Variants in FRMPD4 observed in about 807,000 individuals in gnomAD.
FRMPD4 encodes FERM and PDZ domain-containing protein 4.
Under a neutral mutation model 94.1 loss-of-function variants are expected in FRMPD4, and 22 were observed. The observed-to-expected ratio is 0.23, with a 90% CI of 0.17 to 0.33. The LOEUF is 0.33. Ranked by LOEUF, FRMPD4 falls within the 10% of genes least tolerant of loss-of-function variation. The probability of loss-of-function intolerance (pLI) is 1.00; values close to 1 mark genes in which losing one functional copy is unlikely to be tolerated. For missense variants in FRMPD4, 1,111 were observed against 1,339.9 expected, an observed-to-expected ratio of 0.83 and a Z score of 2.67; for synonymous variants, 631 against 548.6, an observed-to-expected ratio of 1.15 and a Z score of -2.10.
intron 2 of FRMPD4, among the ~76,000 whole-genome samples, chrX:12,532,277 T>C (rs1489830599): frequency 8.9e-6 from 1 of 111,944 alleles, no homozygotes; most frequent in Non-Finnish European, 1.9e-5. Context: ...CTATGGTCTT[T>C]TAAAATTAAT....
At chrX:11,925,565 G>A (rs2054082497) in intron 3 of FRMPD4, among the ~76,000 whole-genome samples, 1 of 112,263 alleles carries the variant, frequency 8.9e-6, no homozygotes, top group African/African-American at 3.2e-5. Context: ...TCAGACCATA[G>A]TGCAATCAAA....
At chrX:12,022,072 C>A (rs1392128594) in intron 3 of FRMPD4, among the ~76,000 whole-genome samples, 13 of 112,318 alleles carry the variant, frequency 1.2e-4, no homozygotes, top group Admixed American at 1.1e-3. Flanking sequence ...AGGATCCCCT[C>A]CCATAGATCA....
chrX:12,199,622 C>T (rs371805493), intron 1 of FRMPD4, among the ~76,000 whole-genome samples: 1 of 111,882 alleles, frequency 8.9e-6, no homozygotes, highest in Non-Finnish European at 1.9e-5. Flanking sequence ...TTGTTCACAA[C>T]AGCAAGATAT....
At chrX:12,585,979 T>C (rs779392892) in intron 2 of FRMPD4, among the ~76,000 whole-genome samples, 1 of 112,756 alleles carries the variant, frequency 8.9e-6, no homozygotes, top group South Asian at 3.7e-4. Context: ...AGAAGACTCT[T>C]GAAATAGATC....
At chrX:12,604,283 C>T (rs188421140) in intron 2 of FRMPD4, among the ~76,000 whole-genome samples, 12 of 111,817 alleles carry the variant, frequency 1.1e-4, no homozygotes, top group Non-Finnish European at 1.9e-4. Context: ...GGCTTGCCCC[C>T]GGCACTATGT....
intron 3 of FRMPD4, among the ~76,000 whole-genome samples, chrX:12,611,781 G>A (rs1470593466): frequency 9.0e-6 from 1 of 111,568 alleles, no homozygotes; most frequent in Non-Finnish European, 1.9e-5. Context: ...TTCATTAAAT[G>A]TAGATCATAT....
intron 1 of FRMPD4, among the ~76,000 whole-genome samples, chrX:12,248,096 G>A (rs1029386537): frequency 8.0e-5 from 9 of 112,128 alleles, no homozygotes; most frequent in African/African-American, 2.9e-4. Flanking sequence ...TATTCCAGAG[G>A]TGAAATTCCA....
chrX:12,185,273 C>T (rs900156637), intron 1 of FRMPD4, among the ~76,000 whole-genome samples: 2 of 111,797 alleles, frequency 1.8e-5, no homozygotes, highest in African/African-American at 6.5e-5. Context: ...GATTCATTCA[C>T]GTCTTAAAAT....
chrX:12,324,738 C>A (rs2055259761), intron 1 of FRMPD4, among the ~76,000 whole-genome samples: 1 of 111,123 alleles, frequency 9.0e-6, no homozygotes, highest in African/African-American at 3.3e-5. Flanking sequence ...GTTGATACAT[C>A]CAAATGAATT....
At chrX:12,423,991 A>C (rs1029174931) in intron 1 of FRMPD4, among the ~76,000 whole-genome samples, 1 of 112,455 alleles carries the variant, frequency 8.9e-6, no homozygotes, top group Non-Finnish European at 1.9e-5. Context: ...AAAGAACAAG[A>C]AGCTTTCAAA....
chrX:12,049,613 C>G (rs2054805653), intron 3 of FRMPD4, among the ~76,000 whole-genome samples: 1 of 111,427 alleles, frequency 9.0e-6, no homozygotes, highest in Non-Finnish European at 1.9e-5. Context: ...ATTTACTATA[C>G]TATTTACTAT....
At chrX:12,225,645 T>C (rs563950044) in intron 1 of FRMPD4, among the ~76,000 whole-genome samples, 75 of 111,410 alleles carry the variant, frequency 6.7e-4, no homozygotes, top group Non-Finnish European at 1.2e-3. Flanking sequence ...TAGCCAGGGA[T>C]TGGGTTTTGT....
intron 3 of FRMPD4, among the ~76,000 whole-genome samples, chrX:11,932,110 G>A (rs2054125368): frequency 9.0e-6 from 1 of 111,470 alleles, no homozygotes; most frequent in Admixed American, 9.5e-5. Flanking sequence ...GCTAGGCCCG[G>A]GGAAGACTCA....
At chrX:12,708,855 C>A (rs2041929422) in intron 13 of FRMPD4, 1 of 115,112 alleles carries the variant, frequency 8.7e-6, no homozygotes, top group Middle Eastern at 7.0e-4. Context: ...AACAGATGAT[C>A]ACGAAAGAGA....
At chrX:12,121,025 CTT>C (rs1438290286) in intron 3 of FRMPD4, among the ~76,000 whole-genome samples, 1 of 108,420 alleles carries the variant, frequency 9.2e-6, no homozygotes, top group Non-Finnish European at 1.9e-5. Context: ...AATACTAAGA[CTT>C]AATAATACTA....
chrX:12,051,587 C>T (rs917950126), intron 3 of FRMPD4, among the ~76,000 whole-genome samples: 10 of 112,057 alleles, frequency 8.9e-5, no homozygotes, highest in African/African-American at 2.6e-4. Context: ...AATAAGATAA[C>T]ATTGAGAAAG....
chrX:12,691,122 T>C (rs929858576), intron 8 of FRMPD4, among the ~76,000 whole-genome samples: 1 of 111,880 alleles, frequency 8.9e-6, no homozygotes, highest in Non-Finnish European at 1.9e-5. Context: ...GTCCCACACA[T>C]TGGGTCCTGC....
At chrX:12,351,329 C>A (rs1408810406) in intron 1 of FRMPD4, among the ~76,000 whole-genome samples, 4 of 110,831 alleles carry the variant, frequency 3.6e-5, no homozygotes, top group African/African-American at 9.8e-5. Flanking sequence ...CCTGCCCCCC[C>A]ATTAAAAATA....
At chrX:12,690,482 A>G (rs1265666928) in intron 8 of FRMPD4, among the ~76,000 whole-genome samples, 156 bp downstream of exon 8, 3 of 111,641 alleles carry the variant, frequency 2.7e-5, no homozygotes, top group Non-Finnish European at 5.6e-5. Context: ...TGCATTTTAC[A>G]CCTCAAGGTC....
Sources: allele counts gnomAD v4.1 joint callset (sites outside exome capture counted in the v4.1 genomes callset), GRCh38; gene constraint gnomAD v4.1.1; transcripts MANE v1.5; gene names NCBI Gene and HGNC (gene_info 2026-07-23, HGNC 2026-07-21).